Variants in CDC42BPA observed in about 807,000 individuals in gnomAD.
CDC42BPA encodes the protein serine/threonine-protein kinase MRCK alpha.
CDC42BPA carries 80 observed loss-of-function variants against 223.5 expected under a neutral mutation model. That is an observed-to-expected ratio of 0.36 (90% confidence interval 0.30 to 0.43). CDC42BPA has a LOEUF of 0.43. Ranked by LOEUF, CDC42BPA falls within the 20% of genes least tolerant of loss-of-function variation. The pLI is 1.00. For missense variants in CDC42BPA, 1,743 were observed against 2,099.9 expected, an observed-to-expected ratio of 0.83 and a Z score of 3.32; for synonymous variants, 694 against 718.6, an observed-to-expected ratio of 0.97 and a Z score of 0.55.
rs981164733 is a variant in CDC42BPA, at chr1:227,240,339, T to C, written c.270+13725A>G. ...TAACAGACTCAACATTATTAAGATA[T>C]TGGTCCTCCCAAAATTTATCTATGT... is the stretch of plus-strand genomic sequence containing the variant. On this transcript the variant is annotated intron_variant, in intron 2 of 36. Transcript: ENST00000366766. Among the ~76,000 whole-genome samples, 4 of 152,218 alleles carry C rather than the reference T, an allele frequency of 2.6e-5. No individual in the cohort carries two copies. In the East Asian group the frequency reaches 7.7e-4, roughly 29 times the overall value.
At chr1:227,013,464 G>A (rs1665608926) in intron 34 of CDC42BPA, among the ~76,000 whole-genome samples, 1 of 151,794 alleles carries the variant, frequency 6.6e-6, no homozygotes, top group Non-Finnish European at 1.5e-5. Context: ...GATAAAAAAA[G>A]TTCTTATAAT....
At chr1:227,100,067 A>T (rs1394551116) in intron 15 of CDC42BPA, among the ~76,000 whole-genome samples, 1 of 152,192 alleles carries the variant, frequency 6.6e-6, no homozygotes, top group African/African-American at 2.4e-5. Flanking sequence ...ATAAGCTGAG[A>T]ATGACAATAA....
chr1:227,097,989 T>C (rs1019559116), intron 15 of CDC42BPA, among the ~76,000 whole-genome samples: 7 of 152,304 alleles, frequency 4.6e-5, no homozygotes, highest in Middle Eastern at 3.4e-3. Flanking sequence ...TTGCTTCCTT[T>C]TATTCCTGTT....
intron 2 of CDC42BPA, among the ~76,000 whole-genome samples, chr1:227,251,569 A>G (rs540239202): frequency 1.3e-5 from 2 of 152,274 alleles, no homozygotes; most frequent in East Asian, 3.9e-4. Context: ...CTAATAAAAA[A>G]GAGCTGGAGT....
chr1:226,998,830 AAAG>A (rs1662169980), intron 35 of CDC42BPA, among the ~76,000 whole-genome samples: 1 of 152,242 alleles, frequency 6.6e-6, no homozygotes, highest in Non-Finnish European at 1.5e-5. Flanking sequence ...CTGCACAGCA[AAAG>A]AAACTACCAT....
chr1:227,057,368 AAT>A (rs1553316885), intron 21 of CDC42BPA, among the ~76,000 whole-genome samples: 1 of 146,904 alleles, frequency 6.8e-6, no homozygotes, highest in African/African-American at 2.5e-5. Context: ...TTTCATAGTT[AAT>A]TTTAAATTTA....
chr1:227,076,615 T>C (rs565290248), intron 17 of CDC42BPA, among the ~76,000 whole-genome samples: 10 of 152,208 alleles, frequency 6.6e-5, no homozygotes, highest in Non-Finnish European at 1.5e-4. Flanking sequence ...TTCATATTCA[T>C]TCTCTTAACT....
At chr1:227,065,418 C>A (rs1451810761) in intron 21 of CDC42BPA, among the ~76,000 whole-genome samples, 1 of 152,172 alleles carries the variant, frequency 6.6e-6, no homozygotes, top group Non-Finnish European at 1.5e-5. Flanking sequence ...CTCTGCTCTG[C>A]CTGGTTGCCT....
intron 10 of CDC42BPA, among the ~76,000 whole-genome samples, chr1:227,138,313 C>A (rs1264982223): frequency 6.6e-6 from 1 of 151,734 alleles, no homozygotes; most frequent in Non-Finnish European, 1.5e-5. Context: ...AAAAAGGAGA[C>A]AGTAGTACTG....
At chr1:227,302,427 T>C (rs1460638682) in intron 1 of CDC42BPA, among the ~76,000 whole-genome samples, 2 of 152,202 alleles carry the variant, frequency 1.3e-5, no homozygotes, top group Non-Finnish European at 2.9e-5. Flanking sequence ...AGAAACTGTT[T>C]TCCTTCAAAA....
intron 14 of CDC42BPA, among the ~76,000 whole-genome samples, chr1:227,101,904 A>G (rs1320213197): frequency 1.3e-5 from 2 of 152,186 alleles, no homozygotes; most frequent in African/African-American, 2.4e-5. Context: ...AAGAAAATGT[A>G]AAGTCCAAAG....
Position 227,117,993 on chromosome 1 carries a change from C to T in CDC42BPA, c.1647+1811G>A, listed in dbSNP as rs1021149306. 3.8e-4 allele frequency among the ~76,000 whole-genome samples: 58 copies of T among 151,892 alleles called. 1 individual carries two copies. Among genetic ancestry groups the T allele is most frequent in the Admixed American group, 2.6e-3 (40 of 15,258 alleles). On this transcript the variant is annotated intron_variant, in intron 12 of 36. Coordinates refer to ENST00000366766, the MANE Select transcript of CDC42BPA (RefSeq NM_001394014.1). ...AAGCATTTCACAAAAGAAATGTAAA[C>T]GACAATAGACCCATGTGAAGATACT... is the stretch of plus-strand genomic sequence containing the variant.
chr1:227,167,140 G>C (rs1267405790), intron 5 of CDC42BPA, among the ~76,000 whole-genome samples: 2 of 152,086 alleles, frequency 1.3e-5, no homozygotes, highest in African/African-American at 4.8e-5. Flanking sequence ...CCTAGAAAAT[G>C]TTTTGCATTC....
At chr1:227,316,053 CATAAGA>C (rs1694336963) in intron 1 of CDC42BPA, among the ~76,000 whole-genome samples, 2 of 151,158 alleles carry the variant, frequency 1.3e-5, no homozygotes, top group Non-Finnish European at 2.9e-5. Context: ...AAGAACTTAG[CATAAGA>C]ACAAACTAAA....
At chr1:227,019,726 G>C (rs1667019524) in intron 32 of CDC42BPA, among the ~76,000 whole-genome samples, 1 of 152,160 alleles carries the variant, frequency 6.6e-6, no homozygotes, top group Admixed American at 6.5e-5. Flanking sequence ...GATTTTGGGT[G>C]ACTTAGGTGC....
chr1:227,263,830 C>A (rs762067487), intron 1 of CDC42BPA, among the ~76,000 whole-genome samples: 47 of 152,130 alleles, frequency 3.1e-4, no homozygotes, highest in Non-Finnish European at 5.6e-4. Flanking sequence ...GATCCACCCA[C>A]CTCAGCCTCC....
chr1:227,088,722 A>G (rs554167808), intron 16 of CDC42BPA, among the ~76,000 whole-genome samples: 2 of 152,272 alleles, frequency 1.3e-5, no homozygotes, highest in South Asian at 4.1e-4. Flanking sequence ...TATATTTGCA[A>G]TGATATATAT....
At chr1:227,096,424 C>G (rs1469415980) in intron 15 of CDC42BPA, among the ~76,000 whole-genome samples, 2 of 152,220 alleles carry the variant, frequency 1.3e-5, no homozygotes, top group African/African-American at 4.8e-5. Flanking sequence ...AAATCCTTGT[C>G]TTCCCACTCA....
At chr1:227,048,549 T>C (rs1197750829) in intron 22 of CDC42BPA, among the ~76,000 whole-genome samples, 3 of 151,750 alleles carry the variant, frequency 2.0e-5, no homozygotes, top group African/African-American at 7.2e-5. Flanking sequence ...TTTAATTTTA[T>C]TGTAATTATT....
Sources: gnomAD v4.1 joint callset for allele counts (sites outside exome capture counted in the v4.1 genomes callset) on GRCh38, gnomAD v4.1.1 for gene constraint, MANE v1.5 for transcripts, NCBI Gene and HGNC (gene_info 2026-07-23, HGNC 2026-07-21) for gene names.